Variants in SRC observed in about 807,000 individuals in gnomAD.
The protein encoded by SRC is SRC proto-oncogene, non-receptor tyrosine kinase, also known as proto-oncogene tyrosine-protein kinase Src.
In SRC, 13 loss-of-function variants were observed where a neutral mutation model predicts 62.9. That is an observed-to-expected ratio of 0.21 (90% CI 0.13 to 0.33). The LOEUF is 0.33. Among genes scored for constraint, SRC ranks in the 10% least tolerant of loss-of-function variants. The pLI is 1.00. For synonymous variants in SRC, 302 were observed against 317.5 expected, an observed-to-expected ratio of 0.95 and a Z score of 0.52; for missense variants, 457 against 737.3, an observed-to-expected ratio of 0.62 and a Z score of 4.40.
At position 37,396,507 on chromosome 20, in the gene SRC, A is replaced by G. The variant is rs1601014809; in HGVS notation, c.703+196A>G. ...CCTTCTTCTTCCTCTTCTTTCCCCC[A>G]GCCCCCCTCCTCCCTGTCCCCCTCT... On this transcript the variant is annotated intron_variant, in intron 8 of 13. Coordinates refer to ENST00000373578, the MANE Select transcript of SRC (RefSeq NM_198291.3). This position sits in a 1 kb window ranked among gnomAD's most constrained non-coding sequence, Gnocchi z 6.1. The G allele has an allele frequency of 2.4e-5, 16 of 660,856 alleles. No homozygotes were observed. In the East Asian group the frequency reaches 4.5e-4, roughly 19 times the overall value. 40.9% of individuals were successfully genotyped at this position (660,856 alleles called of 1,614,324 possible).
chr20:37,400,887 A>C (rs1052870278), intron 10 of SRC, among the ~76,000 whole-genome samples: 1 of 152,126 alleles, frequency 6.6e-6, no homozygotes, highest in African/African-American at 2.4e-5. Context: ...CCCCAAACCC[A>C]AGCACCCACT....
In SRC at chr20:37,384,555, G is replaced by A. The variant is rs910568147; in HGVS notation, c.250+152G>A. Reference sequence around the variant, plus strand: ...TGACTTGGGTGTCCGGGGGGTGGGGGGGCGGCCGTACACACTGTGAAGCGT... The same window carrying A: ...TGACTTGGGTGTCCGGGGGGTGGGGAGGCGGCCGTACACACTGTGAAGCGT... On this transcript the variant is annotated intron_variant, in intron 4 of 13. Transcript: ENST00000373578. The surrounding 1 kb of genome is among the most constrained non-coding windows in gnomAD (Gnocchi z 6.7). 8.9e-6 allele frequency: 8 copies of A among 900,968 alleles called. No homozygotes were observed. Among genetic ancestry groups the A allele is most frequent in the African/African-American group, 1.8e-5 (1 of 54,706 alleles). 55.8% of individuals were successfully genotyped at this position (900,968 alleles called of 1,614,324 possible). A position where few individuals can be genotyped will look rare whatever the true frequency, so the allele number is the denominator to read the frequency against.
chr20:37,393,390 A>G (rs970350063), intron 5 of SRC, among the ~76,000 whole-genome samples: 1 of 152,234 alleles, frequency 6.6e-6, no homozygotes, highest in Non-Finnish European at 1.5e-5. Flanking sequence ...GCCTCCACCC[A>G]GGTCTCACCA....
At chr20:37,354,282 C>A (rs2069847723) in intron 1 of SRC, among the ~76,000 whole-genome samples, 2 of 152,164 alleles carry the variant, frequency 1.3e-5, no homozygotes, top group Admixed American at 1.3e-4. Context: ...GCCTCCTTGT[C>A]CACCTGCTTG....
In SRC at chr20:37,402,810, C is replaced by A. The variant is rs1202688302; in HGVS notation, c.1332C>A (p.Ile444=). 8 of 1,613,998 alleles carry A rather than the reference C, an allele frequency of 5.0e-6. No homozygotes were observed. The highest frequency in any genetic ancestry group is 5.9e-6 in the Non-Finnish European group (7 of 1,180,024). ...CTGCCCTCTATGGCCGCTTCACCAT[C>A]AAGTCGGACGTGTGGTCCTTCGGGA... ...PEAALYGRFT[I]KSDVWSFGIL... Residue 444 remains isoleucine (I), a synonymous_variant, in exon 13 of 14, where the codon ATC becomes ATA. Coordinates refer to ENST00000373578, the MANE Select transcript of SRC (RefSeq NM_198291.3). This position sits in a 1 kb window ranked among gnomAD's most constrained non-coding sequence, Gnocchi z 6.2.
chr20:37,356,722 C>T lies in SRC; in HGVS notation c.-246-8482C>T, dbSNP rs532372341. On this transcript the variant is annotated intron_variant, in intron 1 of 13. Transcript: ENST00000373578. The stretch of plus-strand genomic sequence containing the variant: ...TTGGGTAAACCTCACCAGGGCAAAG[C>T]TCCCCGACGTGGGTGAAGGGCTAGG... Among the ~76,000 whole-genome samples, 3 of 152,320 alleles carry T rather than the reference C, an allele frequency of 2.0e-5. No individual in the cohort carries two copies. The East Asian group carries it at 5.8e-4, about 29-fold the overall frequency.
At chr20:37,386,942 C>T (rs538392536) in intron 5 of SRC, among the ~76,000 whole-genome samples, 29 of 152,360 alleles carry the variant, frequency 1.9e-4, no homozygotes, top group African/African-American at 6.5e-4. Context: ...GACCTGCCTC[C>T]GGTGATGACC....
chr20:37,352,098 C>T (rs978298099), intron 1 of SRC, among the ~76,000 whole-genome samples: 5 of 152,158 alleles, frequency 3.3e-5, no homozygotes, highest in Admixed American at 3.3e-4. Flanking sequence ...GGGTTCAAAT[C>T]GTGGCTTGGC....
rs11906658 is a variant in SRC, at chr20:37,395,758, C to T, written c.554-404C>T. Among the ~76,000 whole-genome samples, 1,429 of 152,346 alleles carry T rather than the reference C, an allele frequency of 9.4e-3. 23 individuals carry two copies. Among genetic ancestry groups the T allele is most frequent in the African/African-American group, 0.032 (1,316 of 41,574 alleles). ...CCACAGGGAGCCACTCACAGGCTCC[C>T]AGCAGTTATTGAGTGCCCAGTGTGT... On this transcript the variant is annotated intron_variant, in intron 7 of 13. Coordinates refer to ENST00000373578, the MANE Select transcript of SRC (RefSeq NM_198291.3).
intron 2 of SRC, among the ~76,000 whole-genome samples, chr20:37,373,742 A>C (rs1055748375): frequency 6.6e-6 from 1 of 152,238 alleles, no homozygotes; most frequent in African/African-American, 2.4e-5. Context: ...TCCTAGCTCC[A>C]TCTTAAAAAT....
In SRC at chr20:37,402,791, T is replaced by G; in HGVS notation, c.1313T>G (p.Leu438Arg). 1 of 1,614,000 alleles carries G rather than the reference T, an allele frequency of 6.2e-7. No homozygotes were observed. The highest frequency in any genetic ancestry group is 8.5e-7 in the Non-Finnish European group (1 of 1,179,958). Residue 438 changes from leucine (L) to arginine (R), a missense_variant, in exon 13 of 14, where the codon CTC (leucine) becomes CGC (arginine). Around this residue, in one of 4 missense-constraint regions of SRC, gnomAD observed 168 missense variants for 357.8 expected, o/e 0.47. Coordinates refer to ENST00000373578, the MANE Select transcript of SRC (RefSeq NM_198291.3). The surrounding 1 kb of genome is among the most constrained non-coding windows in gnomAD (Gnocchi z 6.2). ...PIKWTAPEAA[L>R]YGRFTIKSDV... ...AAGTGGACGGCTCCAGAAGCTGCCC[T>G]CTATGGCCGCTTCACCATCAAGTCG... is the stretch of plus-strand genomic sequence containing the variant.
intron 1 of SRC, among the ~76,000 whole-genome samples, chr20:37,350,005 C>T (rs577224144): frequency 1.2e-4 from 19 of 152,342 alleles, no homozygotes; most frequent in Middle Eastern, 3.4e-3. Flanking sequence ...AGGCTCTGGA[C>T]TCCTAGTCCA....
rs2070763430 is a variant in SRC at position 37,402,920 on chromosome 20, C to T, written c.1402+40C>T. ...ATGGCCTGTCTGTGGTCCCTGAATC[C>T]CTCTGCCCTGGTGGCCTTGGGCAAG... On this transcript the variant is annotated intron_variant, in intron 13 of 13. Transcript: ENST00000373578. The surrounding 1 kb of genome is among the most constrained non-coding windows in gnomAD (Gnocchi z 6.2). The T allele has an allele frequency of 1.3e-6, 2 of 1,591,014 alleles. No individual in the cohort carries two copies. Among genetic ancestry groups the T allele is most frequent in the Non-Finnish European group, 1.7e-6 (2 of 1,169,240 alleles).
In SRC at chr20:37,384,345, C is replaced by G. The variant is rs1169430712; in HGVS notation, c.192C>G (p.Phe64Leu). 1 of 1,467,580 alleles carries G rather than the reference C, an allele frequency of 6.8e-7. No individual in the cohort carries two copies. The highest frequency in any genetic ancestry group is 2.6e-5 in the Admixed American group (1 of 38,470). The allele number at this position is 1,467,580 out of a possible 1,614,324, so 90.9% of individuals were successfully genotyped here. A position where few individuals can be genotyped will look rare whatever the true frequency, so the allele number is the denominator to read the frequency against. ...CCGCGGCCGCCGAGCCCAAGCTGTT[C>G]GGAGGCTTCAACTCCTCGGACACCG... ...FAPAAAEPKL[F>L]GGFNSSDTVT... The change falls in exon 4 of 14, where the codon TTC becomes TTG. Residue 64 changes from phenylalanine (F) to leucine (L), a missense_variant. By Grantham distance (22) the Phe-to-Leu change is conservative. Transcript: ENST00000373578. The surrounding 1 kb of genome is among the most constrained non-coding windows in gnomAD (Gnocchi z 6.7).
intron 2 of SRC, among the ~76,000 whole-genome samples, chr20:37,373,235 C>T (rs1240001210): frequency 7.7e-6 from 1 of 129,464 alleles, no homozygotes; most frequent in African/African-American, 3.7e-5. Flanking sequence ...TACACACATG[C>T]ACATATGTAC....
At chr20:37,352,969 A>G (rs1469509205) in intron 1 of SRC, among the ~76,000 whole-genome samples, 1 of 152,054 alleles carries the variant, frequency 6.6e-6, no homozygotes, top group Non-Finnish European at 1.5e-5. Flanking sequence ...CACATCCACC[A>G]TTGAACTTCA....
At chr20:37,358,043 G>A (rs2069909538) in intron 1 of SRC, among the ~76,000 whole-genome samples, 1 of 152,222 alleles carries the variant, frequency 6.6e-6, no homozygotes, top group Non-Finnish European at 1.5e-5. Context: ...GGTTCTGTGG[G>A]TGGTATTAAG....
chr20:37,387,140 G>A (rs925904501), intron 5 of SRC, among the ~76,000 whole-genome samples: 2 of 152,224 alleles, frequency 1.3e-5, no homozygotes, highest in Non-Finnish European at 2.9e-5. Flanking sequence ...CGAAGGCCTG[G>A]CTAAGGAAGT....
intron 2 of SRC, among the ~76,000 whole-genome samples, chr20:37,366,806 A>T (rs1438087026): frequency 6.6e-6 from 1 of 152,180 alleles, no homozygotes; most frequent in African/African-American, 2.4e-5. Flanking sequence ...CTTTCTGGCT[A>T]TTATGGGTAA....
Sources: gnomAD v4.1 joint callset for allele counts (sites outside exome capture counted in the v4.1 genomes callset) on GRCh38, gnomAD v4.1.1 for gene constraint, gnomAD v4.1.1 regional missense constraint, Gnocchi (gnomAD v3.1) non-coding constraint, MANE v1.5 for transcripts, NCBI Gene and HGNC (gene_info 2026-07-23, HGNC 2026-07-21) for gene names.